AGR3: variants seen among roughly 807,000 people sequenced by gnomAD.
The protein encoded by AGR3 is anterior gradient protein 3.
Under a neutral mutation model 24.5 loss-of-function variants are expected in AGR3, and 37 were observed. The observed-to-expected ratio is 1.51, with a 90% CI of 1.16 to 1.99. The LOEUF (loss-of-function observed/expected upper bound fraction) is 1.99. Among genes scored for constraint, AGR3 ranks in the 30% most tolerant of loss-of-function variants. AGR3 has a pLI of 0.00. For synonymous variants in AGR3, 75 were observed against 61.6 expected (o/e 1.22, Z -1.02); for missense variants, 228 against 191.1 (o/e 1.19, Z -1.14).
intron 3 of AGR3, chr7:16,865,444 G>A (rs1055348084): frequency 1.2e-6 from 1 of 829,852 alleles, no homozygotes; most frequent in African/African-American, 1.7e-5. Flanking sequence ...GGTGCCACAG[G>A]GTTGAAACTA....
intron 2 of AGR3, among the ~76,000 whole-genome samples, chr7:16,875,134 A>G (rs532323932): frequency 1.9e-4 from 29 of 152,020 alleles, no homozygotes; most frequent in African/African-American, 7.0e-4. Context: ...AAAAAAAAGA[A>G]AAAAAGAAAA....
chr7:16,857,632 A>T (rs575004828), downstream of AGR3, among the ~76,000 whole-genome samples: 19 of 152,290 alleles, frequency 1.2e-4, no homozygotes, highest in Non-Finnish European at 1.8e-4. Flanking sequence ...CTAGACTTTT[A>T]TCTAAAAAAT....
At chr7:16,864,316 C>T in intron 3 of AGR3, 1 of 1,364,400 alleles carries the variant, frequency 7.3e-7, no homozygotes, top group South Asian at 1.2e-5. Flanking sequence ...TTCCACGTCT[C>T]CTTGGGCTGA....
intron 5 of AGR3, 112 bp from the exon 6 acceptor site, chr7:16,861,559 TAC>T (rs1781644284): frequency 1.1e-6 from 1 of 906,918 alleles, no homozygotes; most frequent in Non-Finnish European, 1.7e-6. Context: ...TATAATTCCA[TAC>T]AACTTTCTGT....
intron 2 of AGR3, among the ~76,000 whole-genome samples, chr7:16,876,946 G>A (rs551875846): frequency 6.6e-6 from 1 of 152,176 alleles, no homozygotes; most frequent in Non-Finnish European, 1.5e-5. Context: ...TCACTTTAGG[G>A]CTACTGAGCT....
chr7:16,878,621 C>G lies in AGR3; in HGVS notation c.-3G>C, dbSNP rs372654544. 1 of 1,611,138 alleles carries G rather than the reference C, an allele frequency of 6.2e-7. No individual in the cohort carries two copies. The highest frequency in any genetic ancestry group is 1.3e-5 in the African/African-American group (1 of 74,816). On this transcript the variant is annotated 5_prime_UTR_variant, in exon 2 of 8. Transcript: ENST00000310398. ...CCCAAAGCTGAGTGTAGCATCATGTCTTCTAGAGACTCTCTCAGAAGAAGC... is the reference window on the plus strand; with the variant it reads ...CCCAAAGCTGAGTGTAGCATCATGTGTTCTAGAGACTCTCTCAGAAGAAGC...
chr7:16,865,669 T>G, intron 3 of AGR3: 1 of 803,216 alleles, frequency 1.2e-6, no homozygotes, highest in Non-Finnish European at 2.2e-6. Context: ...TCAGATGATC[T>G]CCAAGCATTT....
intron 2 of AGR3, among the ~76,000 whole-genome samples, chr7:16,874,094 T>C (rs532619593): frequency 1.3e-5 from 2 of 152,330 alleles, no homozygotes; most frequent in African/African-American, 2.4e-5. Context: ...AAGTACTCAA[T>C]ACATGTTGTT....
At chr7:16,862,810 T>A in intron 3 of AGR3, 148 bp from the exon 4 acceptor site, 1 of 553,718 alleles carries the variant, frequency 1.8e-6, no homozygotes. Flanking sequence ...TCAATAGCAG[T>A]GTTACTCTAT....
At chr7:16,863,324 A>T (rs1781685706) in intron 3 of AGR3, among the ~76,000 whole-genome samples, 1 of 152,220 alleles carries the variant, frequency 6.6e-6, no homozygotes, top group African/African-American at 2.4e-5. Flanking sequence ...TTAGTTTTTT[A>T]AAAAGTTTTT....
At chr7:16,878,694 A>G (rs966898207) in intron 1 of AGR3, 49 bp from the exon 2 acceptor site, 31 of 1,351,766 alleles carry the variant, frequency 2.3e-5, no homozygotes, top group Middle Eastern at 3.6e-4. Context: ...ACTTCAAGCT[A>G]TTATTAGAAG....
chr7:16,877,294 A>T (rs2115316892), intron 2 of AGR3, among the ~76,000 whole-genome samples: 1 of 110,708 alleles, frequency 9.0e-6, no homozygotes, highest in East Asian at 2.5e-4. Context: ...TATTATATAT[A>T]ATATATAGTA....
downstream of AGR3, among the ~76,000 whole-genome samples, chr7:16,856,178 T>C (rs1283945221): frequency 6.6e-6 from 1 of 152,220 alleles, no homozygotes; most frequent in Non-Finnish European, 1.5e-5. Flanking sequence ...CCAGTCTATC[T>C]TTGGATCCAC....
rs772632691 is a variant in AGR3 at position 16,861,987 on chromosome 7, A to C, written c.300T>G (p.Leu100=). The C allele has an allele frequency of 6.2e-7, 1 of 1,608,724 alleles. No individual in the cohort carries two copies. The highest frequency in any genetic ancestry group is 2.2e-5 in the East Asian group (1 of 44,804). ...AAACATCACAAAGTTTATGTACCATAAGGTTTAGCATGATGAACTTATTCT... is the reference window on the plus strand; with the variant it reads ...AAACATCACAAAGTTTATGTACCATCAGGTTTAGCATGATGAACTTATTCT... ...MAQNKFIMLN[L]MHETTDKNLS... The change falls in exon 5 of 8, where the codon CTT becomes CTG. Residue 100 remains leucine, a synonymous_variant. Coordinates refer to ENST00000310398, the MANE Select transcript of AGR3 (RefSeq NM_176813.5).
chr7:16,868,046 A>T (rs1214020035), intron 3 of AGR3, among the ~76,000 whole-genome samples: 1 of 152,050 alleles, frequency 6.6e-6, no homozygotes, highest in African/African-American at 2.4e-5. Flanking sequence ...CATCTTTTTG[A>T]TAATAGCCTT....
downstream of AGR3, among the ~76,000 whole-genome samples, chr7:16,855,267 G>A (rs1781540469): frequency 6.6e-6 from 1 of 152,072 alleles, no homozygotes; most frequent in Non-Finnish European, 1.5e-5. Flanking sequence ...TCCATTCTGA[G>A]ATACTGAGGG....
At chr7:16,858,251 C>A (rs1171763290), downstream of AGR3, among the ~76,000 whole-genome samples, 1 of 152,092 alleles carries the variant, frequency 6.6e-6, no homozygotes, top group Non-Finnish European at 1.5e-5. Flanking sequence ...ATCTCAGCCT[C>A]CCAAAGTGCT....
chr7:16,864,814 G>T, intron 3 of AGR3: 2 of 900,834 alleles, frequency 2.2e-6, no homozygotes, highest in Non-Finnish European at 3.8e-6. Context: ...CACACCTCTT[G>T]TAGCTATAGA....
intron 1 of AGR3, among the ~76,000 whole-genome samples, chr7:16,880,755 A>G (rs1275585265): frequency 6.6e-6 from 1 of 152,074 alleles, no homozygotes. Flanking sequence ...TACTTTAAAG[A>G]CTGAAACAAA....
Sources: allele counts gnomAD v4.1 joint callset (sites outside exome capture counted in the v4.1 genomes callset), GRCh38; gene constraint gnomAD v4.1.1; transcripts MANE v1.5; gene names NCBI Gene and HGNC (gene_info 2026-07-23, HGNC 2026-07-21).